Variants in CD226 observed in about 807,000 individuals in gnomAD.
CD226 encodes CD226 molecule, also known as CD226 antigen.
In CD226, 24 loss-of-function variants were observed where a neutral mutation model predicts 34.9. That is an observed-to-expected ratio of 0.69 (90% confidence interval 0.50 to 0.97). CD226 has a LOEUF of 0.97. Ranked by LOEUF, CD226 falls within the 50% of genes least tolerant of loss-of-function variation. The pLI, the probability that CD226 is intolerant of heterozygous loss-of-function variation, is 0.00. For missense variants in CD226, 397 were observed against 412.7 expected, an observed-to-expected ratio of 0.96 and a Z score of 0.33; for synonymous variants, 148 against 147.4, an observed-to-expected ratio of 1.00 and a Z score of -0.03.
chr18:69,950,815 TA>T (rs2055846449), upstream of CD226, among the ~76,000 whole-genome samples: 1 of 152,150 alleles, frequency 6.6e-6, no homozygotes, highest in Admixed American at 6.5e-5. Flanking sequence ...CAGAATGATA[TA>T]ATCAGATTTC....
intron 3 of CD226, among the ~76,000 whole-genome samples, chr18:69,875,659 C>A (rs775886032): frequency 9.2e-5 from 14 of 152,190 alleles, no homozygotes; most frequent in Non-Finnish European, 1.8e-4. Flanking sequence ...AGCAGCTTTC[C>A]ATATACCTAT....
chr18:69,913,212 A>G (rs1179396979), intron 2 of CD226, among the ~76,000 whole-genome samples: 1 of 152,138 alleles, frequency 6.6e-6, no homozygotes, highest in South Asian at 2.1e-4. Context: ...AGCAGTGGAG[A>G]AGAGAGAGAG....
Position 69,853,330 on chromosome 18 carries a change from AT to A in CD226, c.*10983del, listed in dbSNP as rs1382535227. The A allele has an allele frequency of 1.1e-4, 16 of 152,354 alleles. No individual in the cohort carries two copies. In the East Asian group the frequency reaches 3.1e-3, roughly 29 times the overall value. The allele number at this position is 152,354 out of a possible 1,614,324, so 9.4% of individuals were successfully genotyped here. The stretch of plus-strand genomic sequence containing the variant: ...TGACTCTCACACATTCTTAAAAAAC[AT>A]TCCACAAACAAACGTTGCATAAAAG... On this transcript the variant is annotated 3_prime_UTR_variant, in exon 6 of 6. Coordinates refer to ENST00000582621, the MANE Select transcript of CD226 (RefSeq NM_001303618.2).
chr18:69,871,360 C>A (rs1162868000), intron 4 of CD226, among the ~76,000 whole-genome samples: 4 of 152,190 alleles, frequency 2.6e-5, no homozygotes, highest in Non-Finnish European at 5.9e-5. Context: ...AATGACCTGA[C>A]CTCCTGTTTT....
At chr18:69,887,221 G>A (rs1393315036) in intron 3 of CD226, among the ~76,000 whole-genome samples, 3 of 152,128 alleles carry the variant, frequency 2.0e-5, no homozygotes, top group Non-Finnish European at 2.9e-5. Flanking sequence ...CCACACAATC[G>A]TGTGTATTTG....
chr18:69,902,739 C>T (rs939117522), intron 2 of CD226, among the ~76,000 whole-genome samples: 3 of 151,814 alleles, frequency 2.0e-5, no homozygotes, highest in South Asian at 4.2e-4. Flanking sequence ...AAGCACGAGA[C>T]GATAACTTGT....
At chr18:69,938,263 T>A (rs1330653253) in intron 2 of CD226, among the ~76,000 whole-genome samples, 1 of 152,166 alleles carries the variant, frequency 6.6e-6, no homozygotes, top group Non-Finnish European at 1.5e-5. Context: ...TGCTCTCACA[T>A]CAATAATTCA....
rs1314813904 is a variant in CD226 at position 69,854,462 on chromosome 18, T to C, written c.*9852A>G. The C allele has an allele frequency of 6.6e-6, 1 of 152,212 alleles. No homozygotes were observed. Among genetic ancestry groups the C allele is most frequent in the African/African-American group, 2.4e-5 (1 of 41,434 alleles). The allele number at this position is 152,212 out of a possible 1,614,324, so 9.4% of individuals were successfully genotyped here. A position where few individuals can be genotyped will look rare whatever the true frequency, so the allele number is the denominator to read the frequency against. ...CCAGTAGGAAACTCCAAGGTTCTCA[T>C]TATGAGGATCCAAGAAAAATTTCCT... On this transcript the variant is annotated 3_prime_UTR_variant, in exon 6 of 6. Transcript: ENST00000582621.
At position 69,885,167 on chromosome 18, in the gene CD226, G is replaced by T. The variant is rs188260362; in HGVS notation, c.727+10534C>A. On this transcript the variant is annotated intron_variant, in intron 3 of 5. Transcript: ENST00000582621. ...GTAGTGAAATCAAGATAAACAACCT[G>T]GTGTCTGCAGGTTGCAACAGGACAC... Among the ~76,000 whole-genome samples the T allele has an allele frequency of 1.4e-4, 22 of 152,192 alleles. No individual in the cohort carries two copies. The East Asian group carries it at 2.5e-3, about 17-fold the overall frequency.
intron 2 of CD226, among the ~76,000 whole-genome samples, chr18:69,907,865 CA>C (rs1024775869): frequency 2.0e-5 from 3 of 151,960 alleles, no homozygotes; most frequent in African/African-American, 7.3e-5. Flanking sequence ...ATTCTCACCA[CA>C]AAAAAAGTTA....
At chr18:69,890,381 A>C (rs1014428521) in intron 3 of CD226, among the ~76,000 whole-genome samples, 2 of 152,124 alleles carry the variant, frequency 1.3e-5, no homozygotes, top group African/African-American at 4.8e-5. Flanking sequence ...GGATTGCTTG[A>C]GCCCAGGACC....
chr18:69,878,661 T>C (rs758069683), intron 3 of CD226, among the ~76,000 whole-genome samples: 11 of 152,144 alleles, frequency 7.2e-5, no homozygotes, highest in Non-Finnish European at 1.2e-4. Context: ...AAACTGCAAA[T>C]TAAAACCACA....
chr18:69,867,042 C>T (rs1983192280), intron 5 of CD226, among the ~76,000 whole-genome samples: 1 of 152,154 alleles, frequency 6.6e-6, no homozygotes, highest in African/African-American at 2.4e-5. Flanking sequence ...TTTTAAGCCA[C>T]CCCGTTTTGG....
intron 2 of CD226, among the ~76,000 whole-genome samples, chr18:69,907,107 G>A (rs2055264233): frequency 6.6e-6 from 1 of 152,112 alleles, no homozygotes; most frequent in Non-Finnish European, 1.5e-5. Flanking sequence ...TGCCCTTGCT[G>A]GATCTCTCCT....
intron 2 of CD226, among the ~76,000 whole-genome samples, chr18:69,900,000 A>C (rs1364261314): frequency 6.6e-6 from 1 of 152,228 alleles, no homozygotes; most frequent in Non-Finnish European, 1.5e-5. Flanking sequence ...CTGCAGCACT[A>C]ATCACAATAG....
At chr18:69,912,651 T>C (rs1379262316) in intron 2 of CD226, among the ~76,000 whole-genome samples, 1 of 152,264 alleles carries the variant, frequency 6.6e-6, no homozygotes, top group Non-Finnish European at 1.5e-5. Context: ...AAGATGATAA[T>C]AATCTAGTCT....
rs1232821829 is a variant in CD226, at chr18:69,863,732, A to T, written c.*582T>A. 1 of 152,282 alleles carries T rather than the reference A, an allele frequency of 6.6e-6. No individual in the cohort carries two copies. Among genetic ancestry groups the T allele is most frequent in the Non-Finnish European group, 1.5e-5 (1 of 68,156 alleles). The allele number at this position is 152,282 out of a possible 1,614,324, so 9.4% of individuals were successfully genotyped here. A position where few individuals can be genotyped will look rare whatever the true frequency, so the allele number is the denominator to read the frequency against. Reference sequence around the variant, plus strand: ...CTGAATTGCCCAGTATTGTGCTTTGACCCTGCTTCTCAGCTCTAGAAGTGA... The same window carrying T: ...CTGAATTGCCCAGTATTGTGCTTTGTCCCTGCTTCTCAGCTCTAGAAGTGA... On this transcript the variant is annotated 3_prime_UTR_variant, in exon 6 of 6. Transcript: ENST00000582621.
rs57743896 is a variant in CD226, at chr18:69,947,298, C to T, written c.46+63G>A. On this transcript the variant is annotated intron_variant, in intron 1 of 5. Coordinates refer to ENST00000582621, the MANE Select transcript of CD226 (RefSeq NM_001303618.2). ...AAGAGCACTGTAAATTCTGAATATG[C>T]CACACTGTACAAACAAAAACAGGAG... 8.8e-3 allele frequency: 9,745 copies of T among 1,107,846 alleles called. 75 individuals are homozygous for T. The highest frequency in any genetic ancestry group is 0.024 in the Middle Eastern group (99 of 4,196). The allele number at this position is 1,107,846 out of a possible 1,614,324, so 68.6% of individuals were successfully genotyped here.
intron 2 of CD226, among the ~76,000 whole-genome samples, chr18:69,910,791 C>A (rs1048498410): frequency 6.6e-6 from 1 of 152,070 alleles, no homozygotes; most frequent in Non-Finnish European, 1.5e-5. Flanking sequence ...TTCCACTTTT[C>A]TGTAAATCTA....
Sources: gnomAD v4.1 joint callset for allele counts (sites outside exome capture counted in the v4.1 genomes callset) on GRCh38, gnomAD v4.1.1 for gene constraint, MANE v1.5 for transcripts, NCBI Gene and HGNC (gene_info 2026-07-23, HGNC 2026-07-21) for gene names.